The following VPS13B variants were observed in gnomAD, a reference collection of about 807,000 sequenced individuals.
VPS13B encodes vacuolar protein sorting 13 homolog B.
A neutral mutation model predicts 426.4 loss-of-function variants in VPS13B; 285 were observed. That is an observed-to-expected ratio of 0.67 (90% CI 0.61 to 0.74). The LOEUF is 0.74. VPS13B is among the 30% of genes least tolerant of loss of function. The pLI is 0.00. For missense variants in VPS13B, 4,537 were observed against 4,782.6 expected, an observed-to-expected ratio of 0.95 and a Z score of 1.51; for synonymous variants, 1,676 against 1,676.4, an observed-to-expected ratio of 1.00 and a Z score of 0.01.
chr8:99,641,812 T>C lies in VPS13B; in HGVS notation c.5222T>C (p.Ile1741Thr). The C allele has an allele frequency of 6.2e-7, 1 of 1,608,790 alleles. No individual in the cohort carries two copies. Residue 1741 changes from isoleucine to threonine, a missense_variant and splice_region_variant, in exon 34 of 62, where the codon ATC (isoleucine) becomes ACC (threonine). Around this residue, in one of 2 missense-constraint regions of VPS13B, gnomAD observed 4,311 missense variants for 4,474.3 expected, o/e 0.96. Coordinates refer to ENST00000357162, the MANE Select transcript of VPS13B (RefSeq NM_152564.5). ...GLEPSNKAAE[I>T]SKQEQKKVDI... ...TATTTTATTACTTTTTTCTTACAGA[T>C]CTCTAAACAAGAACAGAAAAAAGTG...
intron 3 of VPS13B, among the ~76,000 whole-genome samples, chr8:99,053,704 CT>C (rs1226816938): frequency 1.3e-4 from 13 of 98,480 alleles, no homozygotes; most frequent in Admixed American, 3.1e-4. Context: ...GCTTACAACT[CT>C]TTTTTTTTTG....
rs558300397 is a variant in VPS13B at position 99,876,697 on chromosome 8, G to A, written c.*1031G>A. 6.6e-6 allele frequency: 1 copy of A among 152,256 alleles called. No homozygotes were observed. Among genetic ancestry groups the A allele is most frequent in the African/African-American group, 2.4e-5 (1 of 41,544 alleles). The allele number at this position is 152,256 out of a possible 1,614,324, so 9.4% of individuals were successfully genotyped here. Reference sequence around the variant, plus strand: ...AAGAATGGGTTTGACTCAAGATCTTGGGTTACCAAGATGTCTTAAATGTTC... The same window carrying A: ...AAGAATGGGTTTGACTCAAGATCTTAGGTTACCAAGATGTCTTAAATGTTC... On this transcript the variant is annotated 3_prime_UTR_variant, in exon 62 of 62. Transcript: ENST00000357162.
At chr8:99,482,828 C>T (rs900778554) in intron 25 of VPS13B, among the ~76,000 whole-genome samples, 1 of 152,102 alleles carries the variant, frequency 6.6e-6, no homozygotes, top group Non-Finnish European at 1.5e-5. Context: ...CCCTATTCTA[C>T]ACAGGATCTC....
At chr8:99,689,162 G>A (rs1371391785) in intron 35 of VPS13B, among the ~76,000 whole-genome samples, 1 of 151,952 alleles carries the variant, frequency 6.6e-6, no homozygotes, top group African/African-American at 2.4e-5. Context: ...ATAGATAGCA[G>A]AAATGTCTCT....
intron 5 of VPS13B, among the ~76,000 whole-genome samples, chr8:99,107,141 A>G (rs2132469159): frequency 6.6e-6 from 1 of 152,288 alleles, no homozygotes; most frequent in Non-Finnish European, 1.5e-5. Context: ...TTTTACTAAC[A>G]AGTAATGCAC....
chr8:99,420,941 TAGTTA>T (rs1381483653), intron 21 of VPS13B, among the ~76,000 whole-genome samples: 2 of 152,176 alleles, frequency 1.3e-5, no homozygotes, highest in African/African-American at 4.8e-5. Context: ...AATCAATGAT[TAGTTA>T]AGTTTTATAT....
At chr8:99,407,546 A>C (rs1390436080) in intron 21 of VPS13B, among the ~76,000 whole-genome samples, 3 of 152,140 alleles carry the variant, frequency 2.0e-5, no homozygotes, top group Non-Finnish European at 1.5e-5. Flanking sequence ...GTAGGCACTC[A>C]GTTATACTTA....
chr8:99,014,122 T>A (rs1841473725), intron 2 of VPS13B, among the ~76,000 whole-genome samples, 187 bp downstream of exon 2: 1 of 135,242 alleles, frequency 7.4e-6, no homozygotes, highest in African/African-American at 2.7e-5. Flanking sequence ...TTTTTTTTTT[T>A]TTTTTTTTTT....
chr8:99,653,390 A>G (rs541629186), intron 34 of VPS13B, among the ~76,000 whole-genome samples: 11 of 152,216 alleles, frequency 7.2e-5, no homozygotes, highest in Non-Finnish European at 1.5e-4. Flanking sequence ...TAATGTTACA[A>G]AACCCAACTT....
chr8:99,106,298 G>A (rs537242257), intron 5 of VPS13B, among the ~76,000 whole-genome samples: 149 of 151,664 alleles, frequency 9.8e-4, no homozygotes, highest in Non-Finnish European at 1.7e-3. Flanking sequence ...AGCTGGGCAC[G>A]GTGGCAGGTG....
At chr8:99,846,953 G>A (rs916116929) in intron 54 of VPS13B, among the ~76,000 whole-genome samples, 1 of 152,082 alleles carries the variant, frequency 6.6e-6, no homozygotes, top group African/African-American at 2.4e-5. Context: ...GACTTAAAAA[G>A]GTTTCTACTG....
chr8:99,425,516 C>T (rs930824817), intron 21 of VPS13B, among the ~76,000 whole-genome samples: 34 of 152,140 alleles, frequency 2.2e-4, no homozygotes, highest in African/African-American at 7.7e-4. Context: ...AATTCAACAG[C>T]CCTTCATACT....
rs1470906438 is a variant in VPS13B at position 99,310,711 on chromosome 8, T to C, written c.2824+35457T>C. ...ATGATGCTGGCCTCATAAAATGAGT[T>C]AGGGAGGATTCCCTCTTTTTCTATT... On this transcript the variant is annotated intron_variant, in intron 19 of 61. Coordinates refer to ENST00000357162, the MANE Select transcript of VPS13B (RefSeq NM_152564.5). Among the ~76,000 whole-genome samples, 3 of 152,348 alleles carry C rather than the reference T, an allele frequency of 2.0e-5. No homozygotes were observed. The East Asian group carries it at 5.8e-4, about 29-fold the overall frequency.
chr8:99,660,225 A>G (rs1016545924), intron 34 of VPS13B, among the ~76,000 whole-genome samples: 7 of 152,184 alleles, frequency 4.6e-5, no homozygotes, highest in Non-Finnish European at 5.9e-5. Context: ...ATATGTGCCA[A>G]ATTTCATAAG....
At chr8:99,414,239 CTTT>C (rs373183960) in intron 21 of VPS13B, among the ~76,000 whole-genome samples, 7 of 134,854 alleles carry the variant, frequency 5.2e-5, no homozygotes, top group African/African-American at 1.4e-4. Context: ...GCAACCCCTG[CTTT>C]TTTTTTTTTT....
chr8:99,111,353 T>G, intron 6 of VPS13B, 74 bp downstream of exon 6: 1 of 1,251,214 alleles, frequency 8.0e-7, no homozygotes, highest in African/African-American at 1.5e-5. Context: ...ATGCTAATCA[T>G]TATTAACAAA....
chr8:99,200,737 C>A (rs965412439), intron 17 of VPS13B, among the ~76,000 whole-genome samples: 1 of 152,000 alleles, frequency 6.6e-6, no homozygotes, highest in Non-Finnish European at 1.5e-5. Context: ...ATTTTAAGAT[C>A]TGCCTCTTTT....
chr8:99,126,450 GC>G (rs1848188416), intron 8 of VPS13B, among the ~76,000 whole-genome samples: 1 of 152,110 alleles, frequency 6.6e-6, no homozygotes, highest in Non-Finnish European at 1.5e-5. Flanking sequence ...GTCATATTCT[GC>G]TGCTTTAGTT....
At chr8:99,788,660 G>A (rs147459596) in intron 43 of VPS13B, among the ~76,000 whole-genome samples, 10 of 152,122 alleles carry the variant, frequency 6.6e-5, no homozygotes, top group Admixed American at 5.9e-4. Flanking sequence ...GTGTGCCAAT[G>A]AAACTGTATT....
Sources: gnomAD v4.1 joint callset for allele counts (sites outside exome capture counted in the v4.1 genomes callset) on GRCh38, gnomAD v4.1.1 for gene constraint, gnomAD v4.1.1 regional missense constraint, MANE v1.5 for transcripts, NCBI Gene and HGNC (gene_info 2026-07-23, HGNC 2026-07-21) for gene names.